Variants in LARGE1 observed in about 807,000 individuals in gnomAD.
LARGE1 encodes the protein xylosyl- and glucuronyltransferase LARGE1.
Under a neutral mutation model 87.6 loss-of-function variants are expected in LARGE1, and 43 were observed. The ratio of observed to expected loss-of-function variants is 0.49; its 90% CI spans 0.38 to 0.63. LARGE1 has a LOEUF of 0.63. Among genes scored for constraint, LARGE1 ranks in the 30% least tolerant of loss-of-function variants. The pLI is 0.00. For synonymous variants in LARGE1, 434 were observed against 394.6 expected (o/e 1.10, Z -1.18); for missense variants, 802 against 1,000.2 (o/e 0.80, Z 2.67).
chr22:33,274,133 A>G lies in LARGE1; in HGVS notation c.*294T>C. The G allele has an allele frequency of 3.7e-6, 2 of 540,436 alleles. No homozygotes were observed. The highest frequency in any genetic ancestry group is 1.9e-5 in the African/African-American group (1 of 52,748). The allele number at this position is 540,436 out of a possible 1,614,324, so 33.5% of individuals were successfully genotyped here. On this transcript the variant is annotated 3_prime_UTR_variant, in exon 15 of 15. Coordinates refer to ENST00000397394, the MANE Select transcript of LARGE1 (RefSeq NM_133642.5). ...CCCTGCCCTGATCTTGTGGCTTTGC[A>G]GTAAGATGATAACCCTTTTACTCCC...
At chr22:33,417,289 C>T (rs147419650) in intron 7 of LARGE1, among the ~76,000 whole-genome samples, 14 of 152,288 alleles carry the variant, frequency 9.2e-5, no homozygotes, top group African/African-American at 3.4e-4. Context: ...AATGGGCAGC[C>T]GGCAGGACCT....
intron 12 of LARGE1, among the ~76,000 whole-genome samples, chr22:33,286,295 G>A (rs1931523134): frequency 6.6e-6 from 1 of 152,178 alleles, no homozygotes; most frequent in Non-Finnish European, 1.5e-5. Context: ...TTGGATAGGG[G>A]CAGAGCTAGG....
At chr22:33,704,770 A>T (rs527612014) in intron 2 of LARGE1, 1 of 152,384 alleles carries the variant, frequency 6.6e-6, no homozygotes, top group South Asian at 2.1e-4. Context: ...GGCCCCCGCC[A>T]GCTATGTCCT....
intron 1 of LARGE1, among the ~76,000 whole-genome samples, chr22:33,781,288 C>G (rs2085411715): frequency 6.6e-6 from 1 of 152,116 alleles, no homozygotes; most frequent in African/African-American, 2.4e-5. Flanking sequence ...CACCTGAGGT[C>G]AGGAGTTCAA....
intron 12 of LARGE1, among the ~76,000 whole-genome samples, chr22:33,288,134 A>G (rs1931882730): frequency 6.6e-6 from 1 of 152,236 alleles, no homozygotes; most frequent in South Asian, 2.1e-4. Flanking sequence ...ACTGGGTCAC[A>G]TACTAGTCCA....
intron 2 of LARGE1, among the ~76,000 whole-genome samples, chr22:33,718,471 G>T (rs902639215): frequency 2.0e-5 from 3 of 152,258 alleles, no homozygotes; most frequent in African/African-American, 7.2e-5. Flanking sequence ...ATTAATGAAT[G>T]TGCTGAATGG....
chr22:33,393,205 A>G (rs1437937926), intron 7 of LARGE1, among the ~76,000 whole-genome samples: 2 of 152,244 alleles, frequency 1.3e-5, no homozygotes, highest in African/African-American at 4.8e-5. Flanking sequence ...AGGAGTTTGC[A>G]CTCAGGTCAT....
Position 33,446,231 on chromosome 22 carries a change from G to A in LARGE1, c.788-13966C>T, listed in dbSNP as rs542569206. ...AGGATGGTATGTCTGGAAAAGGTAT[G>A]GGGGCTCCACGCCCTGCCCCCATAG... On this transcript the variant is annotated intron_variant, in intron 6 of 14. Coordinates refer to ENST00000397394, the MANE Select transcript of LARGE1 (RefSeq NM_133642.5). Among the ~76,000 whole-genome samples the A allele has an allele frequency of 7.9e-5, 12 of 152,300 alleles. No homozygotes were observed. In the South Asian group the frequency reaches 2.5e-3, roughly 32 times the overall value.
chr22:33,118,736 G>A, the LARGE1 span, among the ~76,000 whole-genome samples: 1 of 152,166 alleles, frequency 6.6e-6, no homozygotes. Context: ...ATTTCCTGGA[G>A]TTTAACAGTA....
At chr22:33,131,838 T>C in the LARGE1 span, among the ~76,000 whole-genome samples, 25 of 151,594 alleles carry the variant, frequency 1.6e-4, no homozygotes, top group African/African-American at 5.8e-4. Context: ...GATAAAGACA[T>C]ACCTGAGACT....
At position 33,536,673 on chromosome 22, in the gene LARGE1, C is replaced by T. The variant is rs189504830; in HGVS notation, c.787+28175G>A. On this transcript the variant is annotated intron_variant, in intron 6 of 14. Coordinates refer to ENST00000397394, the MANE Select transcript of LARGE1 (RefSeq NM_133642.5). ...GGCCCATGTTTCAGGACACGTACACCGTCCTTACCAGAAGGAGGTTTACCC... is the reference window on the plus strand; with the variant it reads ...GGCCCATGTTTCAGGACACGTACACTGTCCTTACCAGAAGGAGGTTTACCC... Among the ~76,000 whole-genome samples the T allele has an allele frequency of 2.6e-5, 4 of 152,360 alleles. No homozygotes were observed. The East Asian group carries it at 7.7e-4, about 29-fold the overall frequency.
chr22:33,383,408 A>G (rs1017482307), intron 8 of LARGE1, among the ~76,000 whole-genome samples: 12 of 151,844 alleles, frequency 7.9e-5, no homozygotes, highest in African/African-American at 2.9e-4. Flanking sequence ...AAAAATACAA[A>G]AATTAGCCTG....
At chr22:33,826,592 C>T (rs565695810) in intron 1 of LARGE1, among the ~76,000 whole-genome samples, 47 of 152,204 alleles carry the variant, frequency 3.1e-4, no homozygotes, top group African/African-American at 9.6e-4. Context: ...CCGCCCGCCT[C>T]GGCCTCCCCA....
intron 1 of LARGE1, among the ~76,000 whole-genome samples, chr22:33,838,211 T>G (rs897966801): frequency 5.9e-5 from 9 of 152,168 alleles, no homozygotes; most frequent in Admixed American, 5.9e-4. Context: ...TTGCTCTCAA[T>G]CATTACCCCT....
Position 33,382,124 on chromosome 22 carries a change from C to T in LARGE1, c.1006-80G>A, listed in dbSNP as rs1409635192. The T allele has an allele frequency of 2.1e-5, 34 of 1,582,850 alleles. No homozygotes were observed. The East Asian group carries it at 7.4e-4, about 34-fold the overall frequency. ...ATTTTGGCTCTCAAGGCACTGCATC[C>T]CCTGTGATAGGGCTTCTCTTGAACC... is the stretch of plus-strand genomic sequence containing the variant. On this transcript the variant is annotated intron_variant, in intron 8 of 14. Transcript: ENST00000397394.
chr22:33,902,551 G>A (rs150056947), intron 1 of LARGE1, among the ~76,000 whole-genome samples: 12 of 152,264 alleles, frequency 7.9e-5, no homozygotes, highest in East Asian at 7.7e-4. Context: ...TCATCTGTAC[G>A]TTTTGTCTTC....
chr22:33,534,221 G>C (rs955075337), intron 6 of LARGE1, among the ~76,000 whole-genome samples: 1 of 152,012 alleles, frequency 6.6e-6, no homozygotes, highest in South Asian at 2.1e-4. Flanking sequence ...TGGCCAGCAC[G>C]GTGAAACCCT....
intron 5 of LARGE1, among the ~76,000 whole-genome samples, chr22:33,569,674 C>G (rs2078136621): frequency 2.0e-5 from 3 of 152,148 alleles, no homozygotes; most frequent in African/African-American, 7.2e-5. Flanking sequence ...CCCCCTCTTT[C>G]AAGTCTCAAC....
intron 9 of LARGE1, among the ~76,000 whole-genome samples, chr22:33,360,843 T>C (rs7289077): frequency 0.092 from 13,844 of 149,842 alleles, 2,573 homozygotes; most frequent in African/African-American, 0.31. Context: ...CCACTGCCAC[T>C]GGACTCTTTC....
Sources: gnomAD v4.1 joint callset for allele counts (sites outside exome capture counted in the v4.1 genomes callset) on GRCh38, gnomAD v4.1.1 for gene constraint, MANE v1.5 for transcripts, NCBI Gene and HGNC (gene_info 2026-07-23, HGNC 2026-07-21) for gene names.